The following SLC22A11 variants were observed in gnomAD, a reference collection of about 807,000 sequenced individuals.
SLC22A11 encodes solute carrier family 22 member 11.
A neutral mutation model predicts 49.4 loss-of-function variants in SLC22A11; 42 were observed. The ratio of observed to expected loss-of-function variants is 0.85; its 90% CI spans 0.66 to 1.10. The LOEUF is 1.10. SLC22A11 is among the 50% of genes least tolerant of loss of function. SLC22A11 has a pLI of 0.00. For missense variants in SLC22A11, 685 were observed against 731.6 expected, an observed-to-expected ratio of 0.94 and a Z score of 0.74; for synonymous variants, 304 against 315.8, an observed-to-expected ratio of 0.96 and a Z score of 0.40.
In SLC22A11 at chr11:64,556,356, T is replaced by C. The variant is rs757141862; in HGVS notation, c.357T>C (p.Tyr119=). ...AGCCGTGTGTGGACGGCTGGGTCTA[T>C]GACCGCAGCGTCTTCACCTCCACCA... ...DTEPCVDGWV[Y]DRSVFTSTIV... is the part of the protein sequence containing the mutation. Residue 119 remains tyrosine (Y), a synonymous_variant, in exon 1 of 10, where the codon TAT becomes TAC. Transcript: ENST00000301891. 3 of 1,612,398 alleles carry C rather than the reference T, an allele frequency of 1.9e-6. No homozygotes were observed. The highest frequency in any genetic ancestry group is 1.7e-5 in the Admixed American group (1 of 59,996).
At position 64,565,307 on chromosome 11, in the gene SLC22A11, G is replaced by A. The variant is rs75933978; in HGVS notation, c.1028G>A (p.Arg343His). Residue 343 changes from arginine (R) to histidine (H), a missense_variant, in exon 6 of 10, where the codon CGC becomes CAC. Physicochemically the swap from Arg to His is conservative, Grantham distance 29 (BLOSUM62 0). Coordinates refer to ENST00000301891, the MANE Select transcript of SLC22A11 (RefSeq NM_018484.4). This position sits in a 1 kb window ranked among gnomAD's most constrained non-coding sequence, Gnocchi z 4.1. ...VLDLFCVPVL[R>H]WRSCAMLVVN... ...GACCTGTTCTGCGTGCCCGTGCTCC[G>A]CTGGAGGAGCTGCGCCATGCTGGTG... 1.4e-5 allele frequency: 21 copies of A among 1,550,148 alleles called. No individual in the cohort carries two copies. The highest frequency in any genetic ancestry group is 8.2e-5 in the African/African-American group (6 of 73,030).
chr11:64,560,319 C>T (rs1459437052), intron 2 of SLC22A11, among the ~76,000 whole-genome samples: 1 of 152,118 alleles, frequency 6.6e-6, no homozygotes, highest in East Asian at 1.9e-4. Context: ...TGCCACAGCA[C>T]TGAGTGACTT....
Position 64,562,124 on chromosome 11 carries a change from G to A in SLC22A11, c.618G>A (p.Gly206=). ...YCGLRFVAAF[G]MAGIFLSSLT... ...GCCTGCGGTTCGTGGCCGCTTTTGG[G>A]ATGGCCGGCATCTTTCTGAGTTCAC... Residue 206 remains glycine, a synonymous_variant, in exon 3 of 10, where the codon GGG becomes GGA. Transcript: ENST00000301891. This position sits in a 1 kb window ranked among gnomAD's most constrained non-coding sequence, Gnocchi z 4.4. The A allele has an allele frequency of 6.2e-7, 1 of 1,613,908 alleles. No individual in the cohort carries two copies. The highest frequency in any genetic ancestry group is 1.1e-5 in the South Asian group (1 of 91,074).
In SLC22A11 at chr11:64,556,015, C is replaced by G; in HGVS notation, c.16C>G (p.Leu6Val). 6.2e-7 allele frequency: 1 copy of G among 1,609,958 alleles called. No individual in the cohort carries two copies. Residue 6 changes from leucine (L) to valine (V), a missense_variant, in exon 1 of 10, where the codon CTC becomes GTC. By Grantham distance (32) the Leu-to-Val change is conservative. Coordinates refer to ENST00000301891, the MANE Select transcript of SLC22A11 (RefSeq NM_018484.4). MAFSK[L>V]LEQAGGVGLF... is the part of the protein sequence containing the mutation. ...AGCTCTGTTCATGGCGTTCTCGAAG[C>G]TCTTGGAGCAAGCCGGAGGCGTGGG... is the stretch of plus-strand genomic sequence containing the variant.
At position 64,571,382 on chromosome 11, in the gene SLC22A11, C is replaced by G. The variant is rs1158519688; in HGVS notation, c.*340C>G. The G allele has an allele frequency of 3.4e-6, 1 of 292,530 alleles. No individual in the cohort carries two copies. The highest frequency in any genetic ancestry group is 6.5e-6 in the Non-Finnish European group (1 of 153,462). 18.1% of individuals were successfully genotyped at this position (292,530 alleles called of 1,614,324 possible). On this transcript the variant is annotated 3_prime_UTR_variant, in exon 10 of 10. Coordinates refer to ENST00000301891, the MANE Select transcript of SLC22A11 (RefSeq NM_018484.4). ...TTCACTCAGCCACGCCAACCAGAGA[C>G]TGGGTTCCAATCTCACCCCACCACA... is the stretch of plus-strand genomic sequence containing the variant.
chr11:64,559,161 C>T lies in SLC22A11; in HGVS notation c.420C>T (p.Gly140=), dbSNP rs1325253715. 1 of 1,613,846 alleles carries T rather than the reference C, an allele frequency of 6.2e-7. No homozygotes were observed. The highest frequency in any genetic ancestry group is 8.5e-7 in the Non-Finnish European group (1 of 1,179,862). The change falls in exon 2 of 10, where the codon GGC becomes GGT. Residue 140 remains glycine, a synonymous_variant. Transcript: ENST00000301891. ...AKWDLVCSSQ[G]LKPLSQSIFM... Reference sequence around the variant, plus strand: ...GGGACCTGGTGTGCAGCTCCCAGGGCTTGAAGCCCCTAAGCCAGTCCATCT... The same window carrying T: ...GGGACCTGGTGTGCAGCTCCCAGGGTTTGAAGCCCCTAAGCCAGTCCATCT...
Position 64,570,958 on chromosome 11 carries a change from CTT to C in SLC22A11, c.1590-18_1590-17del. ...ATACCCACTTCACCACATGGCACTG[CTT>C]TTCTTTGGATTATTCTAGGAAATCA... On this transcript the variant is annotated intron_variant, in intron 9 of 9. Coordinates refer to ENST00000301891, the MANE Select transcript of SLC22A11 (RefSeq NM_018484.4). 1 of 1,614,166 alleles carries C rather than the reference CTT, an allele frequency of 6.2e-7. No homozygotes were observed. The highest frequency in any genetic ancestry group is 8.5e-7 in the Non-Finnish European group (1 of 1,179,988).
At position 64,564,578 on chromosome 11, in the gene SLC22A11, A is replaced by T. The variant is rs984367786; in HGVS notation, c.942+150A>T. On this transcript the variant is annotated intron_variant, in intron 5 of 9. Coordinates refer to ENST00000301891, the MANE Select transcript of SLC22A11 (RefSeq NM_018484.4). The surrounding 1 kb of genome is among the most constrained non-coding windows in gnomAD (Gnocchi z 4.2). ...CACAGACACCACCAACACCTCCATC[A>T]CCACCTCCACACAGACACCACCACC... The T allele has an allele frequency of 8.0e-6, 7 of 878,350 alleles. No homozygotes were observed. The highest frequency in any genetic ancestry group is 1.2e-5 in the Non-Finnish European group (7 of 576,126). The allele number at this position is 878,350 out of a possible 1,614,324, so 54.4% of individuals were successfully genotyped here. A position where few individuals can be genotyped will look rare whatever the true frequency, so the allele number is the denominator to read the frequency against.
In SLC22A11 at chr11:64,567,611, G is replaced by A. The variant is rs763773299; in HGVS notation, c.1071G>A (p.Leu357=). 1.8e-5 allele frequency: 29 copies of A among 1,613,894 alleles called. No individual in the cohort carries two copies. The highest frequency in any genetic ancestry group is 2.1e-5 in the Non-Finnish European group (25 of 1,180,016). ...CAMLVVNFSL[L]ISYYGLVFDL... ...GCCTTGCCCGCAGTTTCTCTCTATT[G>A]ATCTCCTACTATGGGCTGGTCTTCG... Residue 357 remains leucine (L), a synonymous_variant, in exon 7 of 10, where the codon TTG becomes TTA. Coordinates refer to ENST00000301891, the MANE Select transcript of SLC22A11 (RefSeq NM_018484.4).
rs142048527 is a variant in SLC22A11 at position 64,564,327 on chromosome 11, C to T, written c.841C>T (p.Arg281Trp). The change falls in exon 5 of 10, where the codon CGG becomes TGG. Residue 281 changes from arginine to tryptophan, a missense_variant. Physicochemically the swap from Arg to Trp is moderately radical, Grantham distance 101 (BLOSUM62 -3). Transcript: ENST00000301891. This position sits in a 1 kb window ranked among gnomAD's most constrained non-coding sequence, Gnocchi z 4.2. ...TTACAGGTGGCTGCCAGAATCCGCC[C>T]GGTGGCTGATTATTAAGGGCAAACC... ...LISWWLPESA[R>W]WLIIKGKPDQ... 1.1e-5 allele frequency: 17 copies of T among 1,614,074 alleles called. No individual in the cohort carries two copies. The highest frequency in any genetic ancestry group is 7.7e-5 in the South Asian group (7 of 91,080).
At chr11:64,558,406 G>A (rs909084777) in intron 1 of SLC22A11, among the ~76,000 whole-genome samples, 1 of 152,238 alleles carries the variant, frequency 6.6e-6, no homozygotes, top group African/African-American at 2.4e-5. Flanking sequence ...CGGGTGGGAA[G>A]GGGAAAGAGA....
intron 2 of SLC22A11, among the ~76,000 whole-genome samples, chr11:64,560,635 A>G (rs1326607297): frequency 6.6e-6 from 1 of 152,160 alleles, no homozygotes; most frequent in African/African-American, 2.4e-5. Flanking sequence ...GGCCCCAGGC[A>G]TGACTGTCCC....
At position 64,562,672 on chromosome 11, in the gene SLC22A11, C is replaced by A. The variant is rs2038566159; in HGVS notation, c.821+237C>A. Among the ~76,000 whole-genome samples, 1 of 152,218 alleles carries A rather than the reference C, an allele frequency of 6.6e-6. No individual in the cohort carries two copies. The highest frequency in any genetic ancestry group is 1.5e-5 in the Non-Finnish European group (1 of 68,034). On this transcript the variant is annotated intron_variant, in intron 4 of 9. Coordinates refer to ENST00000301891, the MANE Select transcript of SLC22A11 (RefSeq NM_018484.4). This position sits in a 1 kb window ranked among gnomAD's most constrained non-coding sequence, Gnocchi z 4.4. Reference sequence around the variant, plus strand: ...GACAGGCCAAGATGGGCTGGCACAGCATTGGCTCAAATGGTGATTTAAAAA... The same window carrying A: ...GACAGGCCAAGATGGGCTGGCACAGAATTGGCTCAAATGGTGATTTAAAAA...
Position 64,560,880 on chromosome 11 carries a change from T to A in SLC22A11, c.498-1124T>A, listed in dbSNP as rs900020580. Among the ~76,000 whole-genome samples the A allele has an allele frequency of 2.6e-5, 4 of 152,202 alleles. No individual in the cohort carries two copies. The South Asian group carries it at 6.2e-4, about 24-fold the overall frequency. Reference sequence around the variant, plus strand: ...TGGGGTCTGACTACCTGGGTCTGAATCCCAGCCTTATCCCACCCAGCCTTG... The same window carrying A: ...TGGGGTCTGACTACCTGGGTCTGAAACCCAGCCTTATCCCACCCAGCCTTG... On this transcript the variant is annotated intron_variant, in intron 2 of 9. Transcript: ENST00000301891.
In SLC22A11 at chr11:64,569,848, C is replaced by G. The variant is rs776952893; in HGVS notation, c.1579C>G (p.Leu527Val). ...GLPLPDTIQD[L>V]ESQKSTAAQG... ...TCCGCTCCCTGACACTATCCAGGAC[C>G]TGGAGAGCCAGTGAGTGACCTGTGA... Residue 527 changes from leucine (L) to valine (V), a missense_variant, in exon 9 of 10, where the codon CTG becomes GTG. By Grantham distance (32) the Leu-to-Val change is conservative. Coordinates refer to ENST00000301891, the MANE Select transcript of SLC22A11 (RefSeq NM_018484.4). The G allele has an allele frequency of 6.2e-7, 1 of 1,613,118 alleles. No homozygotes were observed. The highest frequency in any genetic ancestry group is 8.5e-7 in the Non-Finnish European group (1 of 1,180,014).
In SLC22A11 at chr11:64,562,845, G is replaced by A. The variant is rs751936919; in HGVS notation, c.821+410G>A. The stretch of plus-strand genomic sequence containing the variant: ...CCACAGTGGAAGCGGCCGCTCTCCC[G>A]GTCCCCAAGGCCCCACTGCCGCTGT... On this transcript the variant is annotated intron_variant, in intron 4 of 9. Transcript: ENST00000301891. The surrounding 1 kb of genome is among the most constrained non-coding windows in gnomAD (Gnocchi z 4.4). Among the ~76,000 whole-genome samples the A allele has an allele frequency of 3.9e-5, 6 of 152,194 alleles. No homozygotes were observed. Among genetic ancestry groups the A allele is most frequent in the African/African-American group, 1.4e-4 (6 of 41,428 alleles).
chr11:64,569,111 G>C (rs1480943706), intron 8 of SLC22A11, among the ~76,000 whole-genome samples: 1 of 152,128 alleles, frequency 6.6e-6, no homozygotes, highest in African/African-American at 2.4e-5. Context: ...CCTGCCCCAA[G>C]AGAGCCCCAA....
chr11:64,569,291 G>A (rs1022570356), intron 8 of SLC22A11, among the ~76,000 whole-genome samples: 6 of 152,182 alleles, frequency 3.9e-5, no homozygotes, highest in African/African-American at 1.4e-4. Flanking sequence ...TTAGCCCAAT[G>A]TTCTTTCCAC....
intron 2 of SLC22A11, among the ~76,000 whole-genome samples, chr11:64,559,618 C>T (rs956048130): frequency 6.6e-6 from 1 of 152,212 alleles, no homozygotes; most frequent in Non-Finnish European, 1.5e-5. Context: ...GTCCCCCAGT[C>T]TCAAGGCCTT....
Sources: gnomAD v4.1 joint callset for allele counts (sites outside exome capture counted in the v4.1 genomes callset) on GRCh38, gnomAD v4.1.1 for gene constraint, Gnocchi (gnomAD v3.1) non-coding constraint, MANE v1.5 for transcripts, NCBI Gene and HGNC (gene_info 2026-07-23, HGNC 2026-07-21) for gene names.